The following SLC24A2 variants were observed in gnomAD, a reference collection of about 807,000 sequenced individuals.
SLC24A2 encodes solute carrier family 24 member 2.
Under a neutral mutation model 62.0 loss-of-function variants are expected in SLC24A2, and 36 were observed. That is an observed-to-expected ratio of 0.58 (90% CI 0.44 to 0.77). SLC24A2 has a LOEUF of 0.77. Ranked by LOEUF, SLC24A2 falls within the 30% of genes least tolerant of loss-of-function variation. The probability of loss-of-function intolerance (pLI) is 0.00; values close to 1 mark genes in which losing one functional copy is unlikely to be tolerated. For synonymous variants in SLC24A2, 358 were observed against 294.0 expected, an observed-to-expected ratio of 1.22 and a Z score of -2.23; for missense variants, 846 against 817.9, an observed-to-expected ratio of 1.03 and a Z score of -0.42.
At chr9:19,860,886 G>T in the SLC24A2 span, among the ~76,000 whole-genome samples, 1 of 152,198 alleles carries the variant, frequency 6.6e-6, no homozygotes, top group Non-Finnish European at 1.5e-5. Flanking sequence ...AGAGTGGGAA[G>T]AACCGTGTCT....
chr9:20,234,952 C>A, the SLC24A2 span, among the ~76,000 whole-genome samples: 1 of 152,184 alleles, frequency 6.6e-6, no homozygotes, highest in Non-Finnish European at 1.5e-5. Flanking sequence ...ACAGACAGGA[C>A]CCTCAGCTGC....
chr9:20,026,834 G>T, the SLC24A2 span, among the ~76,000 whole-genome samples: 83 of 152,190 alleles, frequency 5.5e-4, 2 homozygotes, highest in South Asian at 0.016. Context: ...ATGGGATTAT[G>T]TCAACCTAAA....
the SLC24A2 span, among the ~76,000 whole-genome samples, chr9:20,008,127 C>T: frequency 6.6e-6 from 1 of 151,820 alleles, no homozygotes; most frequent in Non-Finnish European, 1.5e-5. Flanking sequence ...AACTCCTGAC[C>T]TCAAGTGATC....
At chr9:19,796,798 C>G in the SLC24A2 span, among the ~76,000 whole-genome samples, 1 of 152,068 alleles carries the variant, frequency 6.6e-6, no homozygotes, top group East Asian at 1.9e-4. Flanking sequence ...ATCTTTAAGT[C>G]TTTTTACTTG....
chr9:19,588,274 T>C (rs1836435527), intron 5 of SLC24A2, among the ~76,000 whole-genome samples: 1 of 151,644 alleles, frequency 6.6e-6, no homozygotes, highest in Admixed American at 6.6e-5. Flanking sequence ...TTGAACTGTA[T>C]GAGTTAAGCC....
the SLC24A2 span, among the ~76,000 whole-genome samples, chr9:19,918,137 A>G: frequency 1.3e-5 from 1 of 79,962 alleles, no homozygotes; most frequent in Non-Finnish European, 2.7e-5. Flanking sequence ...AACAACTGAC[A>G]TTATGTGTGT....
rs775929545 is a variant in SLC24A2 at position 19,787,056 on chromosome 9, A to G, written c.-153-37T>C. On this transcript the variant is annotated intron_variant, in intron 1 of 10. Coordinates refer to ENST00000341998, the MANE Select transcript of SLC24A2 (RefSeq NM_020344.4). ...ATAAAAACGAGAATAAGTAAATCAT[A>G]AAATCACGTCTTTTTAATAAAGATC... The G allele has an allele frequency of 4.3e-4, 576 of 1,345,194 alleles. 1 individual carries two copies. Among genetic ancestry groups the G allele is most frequent in the Non-Finnish European group, 5.1e-4 (533 of 1,038,394 alleles). 83.3% of individuals were successfully genotyped at this position (1,345,194 alleles called of 1,614,324 possible). A position where few individuals can be genotyped will look rare whatever the true frequency, so the allele number is the denominator to read the frequency against.
Position 19,632,058 on chromosome 9 carries a change from G to C in SLC24A2, c.931-9759C>G, listed in dbSNP as rs186761740. On this transcript the variant is annotated intron_variant, in intron 2 of 10. Coordinates refer to ENST00000341998, the MANE Select transcript of SLC24A2 (RefSeq NM_020344.4). This position sits in a 1 kb window ranked among gnomAD's most constrained non-coding sequence, Gnocchi z 4.5. ...ATACACCTGGCCATCCTGGAAAACA[G>C]AGTAGATGGTAAGGACTAGGAGTCC... Among the ~76,000 whole-genome samples, 3 of 152,322 alleles carry C rather than the reference G, an allele frequency of 2.0e-5. No individual in the cohort carries two copies. Among genetic ancestry groups the C allele is most frequent in the Admixed American group, 2.0e-4 (3 of 15,298 alleles).
chr9:20,286,618 G>C, the SLC24A2 span, among the ~76,000 whole-genome samples: 13 of 152,334 alleles, frequency 8.5e-5, no homozygotes, highest in African/African-American at 3.1e-4. Flanking sequence ...GAATAGAACT[G>C]AGGGAGAAGG....
the SLC24A2 span, among the ~76,000 whole-genome samples, chr9:19,978,633 A>C: frequency 6.6e-6 from 1 of 152,152 alleles, no homozygotes; most frequent in African/African-American, 2.4e-5. Flanking sequence ...TAGAAATATC[A>C]ATTGACTCCC....
chr9:20,022,717 A>T, the SLC24A2 span, among the ~76,000 whole-genome samples: 2 of 152,230 alleles, frequency 1.3e-5, no homozygotes, highest in African/African-American at 4.8e-5. Context: ...ATGTTGGTTG[A>T]CTGTTATTAA....
chr9:19,951,226 T>TTG, the SLC24A2 span, among the ~76,000 whole-genome samples: 13,949 of 145,946 alleles, frequency 0.096, 722 homozygotes, highest in Middle Eastern at 0.12. Flanking sequence ...TTTTCTTAAG[T>TTG]TGTGTGTGTG....
chr9:19,713,086 T>A (rs901829292), intron 2 of SLC24A2, among the ~76,000 whole-genome samples: 15 of 152,242 alleles, frequency 9.9e-5, no homozygotes, highest in African/African-American at 3.1e-4. Flanking sequence ...GTTTTATTTT[T>A]CTTCCCAGTA....
chr9:20,145,777 A>T, the SLC24A2 span, among the ~76,000 whole-genome samples: 1 of 151,958 alleles, frequency 6.6e-6, no homozygotes, highest in Non-Finnish European at 1.5e-5. Flanking sequence ...ATATACAAGC[A>T]CATATATGTA....
At chr9:20,202,194 A>G in the SLC24A2 span, among the ~76,000 whole-genome samples, 1 of 152,130 alleles carries the variant, frequency 6.6e-6, no homozygotes, top group Non-Finnish European at 1.5e-5. Context: ...TCATGGTCCA[A>G]GTGATTATCA....
intron 2 of SLC24A2, among the ~76,000 whole-genome samples, chr9:19,766,556 C>T (rs1330775327): frequency 2.0e-5 from 3 of 152,164 alleles, no homozygotes; most frequent in South Asian, 2.1e-4. Flanking sequence ...CAGACAGGCC[C>T]CTCTTCTGTA....
intron 2 of SLC24A2, among the ~76,000 whole-genome samples, chr9:19,693,908 C>T (rs899437984): frequency 6.6e-6 from 1 of 151,742 alleles, no homozygotes; most frequent in South Asian, 2.1e-4. Context: ...TTCCCACAAG[C>T]AAGATAAATA....
chr9:19,774,034 A>G (rs1822768844), intron 2 of SLC24A2, among the ~76,000 whole-genome samples: 1 of 152,178 alleles, frequency 6.6e-6, no homozygotes, highest in Admixed American at 6.5e-5. Flanking sequence ...GGAGACATCA[A>G]GAGAGAGGTC....
the SLC24A2 span, among the ~76,000 whole-genome samples, chr9:20,295,878 A>C: frequency 6.6e-6 from 1 of 152,156 alleles, no homozygotes; most frequent in South Asian, 2.1e-4. Context: ...ACTGCGTGAG[A>C]CAATTCCCCA....
Sources: gnomAD v4.1 joint callset for allele counts (sites outside exome capture counted in the v4.1 genomes callset) on GRCh38, gnomAD v4.1.1 for gene constraint, Gnocchi (gnomAD v3.1) non-coding constraint, MANE v1.5 for transcripts, NCBI Gene and HGNC (gene_info 2026-07-23, HGNC 2026-07-21) for gene names.